Variants in DNM3 observed in about 807,000 individuals in gnomAD.
DNM3 encodes the protein dynamin 3.
Under a neutral mutation model 101.6 loss-of-function variants are expected in DNM3, and 47 were observed. That is an observed-to-expected ratio of 0.46 (90% CI 0.37 to 0.59). DNM3 has a LOEUF of 0.59. DNM3 is among the 20% of genes least tolerant of loss of function. The probability of loss-of-function intolerance (pLI) is 0.00; values close to 1 mark genes in which losing one functional copy is unlikely to be tolerated. For synonymous variants in DNM3, 385 were observed against 387.9 expected, an observed-to-expected ratio of 0.99 and a Z score of 0.09; for missense variants, 849 against 1,085.7, an observed-to-expected ratio of 0.78 and a Z score of 3.06.
At chr1:172,181,389 CA>C (rs2059338786) in intron 14 of DNM3, among the ~76,000 whole-genome samples, 1 of 93,760 alleles carries the variant, frequency 1.1e-5, no homozygotes, top group Non-Finnish European at 1.9e-5. Flanking sequence ...CACACACACA[CA>C]CACACACACA....
chr1:172,194,943 T>C (rs1039198290), intron 14 of DNM3, among the ~76,000 whole-genome samples: 1 of 152,134 alleles, frequency 6.6e-6, no homozygotes, highest in Admixed American at 6.6e-5. Context: ...GTTGATGCAG[T>C]TTCTTCCTAG....
intron 1 of DNM3, among the ~76,000 whole-genome samples, chr1:171,907,414 C>T (rs2038921491): frequency 6.6e-6 from 1 of 152,032 alleles, no homozygotes; most frequent in Non-Finnish European, 1.5e-5. Flanking sequence ...TCACTTGAAC[C>T]TGGGAGGCGG....
intron 15 of DNM3, among the ~76,000 whole-genome samples, chr1:172,265,345 G>A (rs941449285): frequency 2.0e-5 from 3 of 152,084 alleles, no homozygotes; most frequent in East Asian, 1.9e-4. Context: ...GTGTTTCAGT[G>A]CTAAGATTTA....
At chr1:172,162,385 A>G (rs572838733) in intron 14 of DNM3, among the ~76,000 whole-genome samples, 1 of 152,176 alleles carries the variant, frequency 6.6e-6, no homozygotes, top group African/African-American at 2.4e-5. Flanking sequence ...GCTGCTTTCC[A>G]AACATTTGGC....
chr1:172,349,213 G>A (rs1044806310), intron 17 of DNM3, among the ~76,000 whole-genome samples: 2 of 152,028 alleles, frequency 1.3e-5, no homozygotes, highest in African/African-American at 4.8e-5. Flanking sequence ...ATGGTTTTAG[G>A]GTTTTGAATC....
In DNM3 at chr1:172,038,476, C is replaced by T; in HGVS notation, c.992+15C>T. ...GCATTGCTGCAGTAGGTCACCTTTC[C>T]CTTCCTTGGCTCAGCATTTTAATCT... On this transcript the variant is annotated intron_variant, in intron 7 of 20. Coordinates refer to ENST00000627582, the MANE Select transcript of DNM3 (RefSeq NM_015569.5). 1 of 1,608,238 alleles carries T rather than the reference C, an allele frequency of 6.2e-7. No individual in the cohort carries two copies. The highest frequency in any genetic ancestry group is 8.5e-7 in the Non-Finnish European group (1 of 1,177,866).
intron 1 of DNM3, among the ~76,000 whole-genome samples, chr1:171,887,732 A>G (rs145250293): frequency 6.6e-6 from 1 of 152,294 alleles, no homozygotes; most frequent in African/African-American, 2.4e-5. Flanking sequence ...CTTTTGTGTA[A>G]CTTAAATATG....
chr1:172,277,313 G>A (rs1347083823), intron 15 of DNM3, among the ~76,000 whole-genome samples: 1 of 152,064 alleles, frequency 6.6e-6, no homozygotes, highest in Admixed American at 6.6e-5. Context: ...GCTCACTTGG[G>A]TAGTGAAAAG....
chr1:171,922,123 T>TTGTGTG (rs3051604), intron 2 of DNM3, among the ~76,000 whole-genome samples: 511 of 135,794 alleles, frequency 3.8e-3, no homozygotes, highest in African/African-American at 8.6e-3. Context: ...TTGGTATGCT[T>TTGTGTG]TGTGTGTGTG....
intron 14 of DNM3, among the ~76,000 whole-genome samples, chr1:172,252,886 G>A (rs1330586409): frequency 6.6e-6 from 1 of 152,070 alleles, no homozygotes; most frequent in East Asian, 1.9e-4. Flanking sequence ...AAGAGAGTTT[G>A]TTCTAGTCAA....
In DNM3 at chr1:172,073,318, A is replaced by G. The variant is rs141711015; in HGVS notation, c.1422+4413A>G. Among the ~76,000 whole-genome samples the G allele has an allele frequency of 1.4e-3, 218 of 151,998 alleles. 1 individual carries two copies. The highest frequency in any genetic ancestry group is 5.1e-3 in the African/African-American group (210 of 41,500). On this transcript the variant is annotated intron_variant, in intron 11 of 20. Transcript: ENST00000627582. ...ATATAAGTATATGTGTACATATTTG[A>G]ACATATGTGCATATGTGTACATATT...
At chr1:172,360,998 T>C (rs927896481) in intron 17 of DNM3, among the ~76,000 whole-genome samples, 1 of 152,014 alleles carries the variant, frequency 6.6e-6, no homozygotes, top group Non-Finnish European at 1.5e-5. Flanking sequence ...AAATGGCTAC[T>C]AAGAAAACTG....
At chr1:172,225,282 G>A (rs2061068769) in intron 14 of DNM3, among the ~76,000 whole-genome samples, 1 of 151,414 alleles carries the variant, frequency 6.6e-6, no homozygotes, top group African/African-American at 2.4e-5. Context: ...GGGATTACAG[G>A]CGCACCACCA....
chr1:171,878,925 C>T (rs1343652726), intron 1 of DNM3, among the ~76,000 whole-genome samples: 2 of 152,048 alleles, frequency 1.3e-5, no homozygotes, highest in Non-Finnish European at 2.9e-5. Flanking sequence ...GATCCTTTGT[C>T]ATTGTGGGAA....
intron 14 of DNM3, among the ~76,000 whole-genome samples, chr1:172,190,415 A>T (rs981584213): frequency 7.9e-5 from 12 of 152,218 alleles, no homozygotes; most frequent in Admixed American, 5.9e-4. Flanking sequence ...TCTATCATTG[A>T]TGGACATTTG....
intron 1 of DNM3, among the ~76,000 whole-genome samples, chr1:171,908,329 G>A (rs1432224045): frequency 6.6e-6 from 1 of 151,458 alleles, no homozygotes; most frequent in Non-Finnish European, 1.5e-5. Context: ...TTGGCATGTA[G>A]CTATTACTGC....
intron 10 of DNM3, among the ~76,000 whole-genome samples, chr1:172,058,730 A>G (rs1486976623): frequency 2.0e-5 from 3 of 151,788 alleles, no homozygotes; most frequent in African/African-American, 7.3e-5. Context: ...CTAAATGCCC[A>G]CAAGAGAAAG....
At chr1:172,048,895 A>G (rs2125862858) in intron 10 of DNM3, 145 bp downstream of exon 10, 2 of 989,114 alleles carry the variant, frequency 2.0e-6, no homozygotes, top group East Asian at 5.1e-5. Context: ...GAAAGTACTG[A>G]GTGGGAATTG....
intron 13 of DNM3, among the ~76,000 whole-genome samples, 196 bp downstream of exon 13, chr1:172,093,071 C>T (rs1171003842): frequency 1.3e-5 from 2 of 151,998 alleles, no homozygotes; most frequent in Admixed American, 1.3e-4. Context: ...TGCAGTTAAC[C>T]ATATTGATTT....
Sources: allele counts gnomAD v4.1 joint callset (sites outside exome capture counted in the v4.1 genomes callset), GRCh38; gene constraint gnomAD v4.1.1; transcripts MANE v1.5; gene names NCBI Gene and HGNC (gene_info 2026-07-23, HGNC 2026-07-21).